PHLPP1: variants seen among roughly 807,000 people sequenced by gnomAD.
PHLPP1 encodes PH domain leucine-rich repeat-containing protein phosphatase 1.
PHLPP1 carries 42 observed loss-of-function variants against 117.2 expected under a neutral mutation model. The ratio of observed to expected loss-of-function variants is 0.36; its 90% confidence interval spans 0.28 to 0.46. PHLPP1 has a LOEUF of 0.46. Ranked by LOEUF, PHLPP1 falls within the 20% of genes least tolerant of loss-of-function variation. The pLI, the probability that PHLPP1 is intolerant of heterozygous loss-of-function variation, is 1.00. For missense variants in PHLPP1, 2,084 were observed against 2,241.9 expected (o/e 0.93, Z 1.42); for synonymous variants, 1,042 against 970.7 (o/e 1.07, Z -1.37).
intron 1 of PHLPP1, among the ~76,000 whole-genome samples, chr18:62,798,832 A>G (rs958460364): frequency 6.6e-6 from 1 of 152,178 alleles, no homozygotes; most frequent in Non-Finnish European, 1.5e-5. Context: ...ATCCAGTGGT[A>G]ATAAAACAGA....
At chr18:62,878,350 A>G (rs1352675243) in intron 4 of PHLPP1, among the ~76,000 whole-genome samples, 1 of 152,212 alleles carries the variant, frequency 6.6e-6, no homozygotes, top group East Asian at 1.9e-4. Flanking sequence ...GAGAATGCTG[A>G]TGGAGACCAA....
chr18:62,919,906 T>C (rs1909409709), intron 9 of PHLPP1, 53 bp from the exon 10 acceptor site: 1 of 1,315,794 alleles, frequency 7.6e-7, no homozygotes, highest in African/African-American at 1.5e-5. Context: ...GAGGTAATTT[T>C]AAGTATTCTT....
chr18:62,775,557 A>G (rs1022750986), intron 1 of PHLPP1, among the ~76,000 whole-genome samples: 1 of 152,208 alleles, frequency 6.6e-6, no homozygotes, highest in African/African-American at 2.4e-5. Context: ...CTTTCTTGGC[A>G]TTACCACAAT....
At chr18:62,735,032 A>T (rs1381319798) in intron 1 of PHLPP1, among the ~76,000 whole-genome samples, 1 of 151,488 alleles carries the variant, frequency 6.6e-6, no homozygotes, top group Admixed American at 6.6e-5. Flanking sequence ...GCTTAAGAGG[A>T]TGTCATTCTT....
intron 1 of PHLPP1, among the ~76,000 whole-genome samples, chr18:62,766,076 A>AAAAAAAAAAAATATATAT: frequency 1.4e-4 from 3 of 21,660 alleles, no homozygotes; most frequent in African/African-American, 4.5e-4. Flanking sequence ...AAAAAAAAAA[A>AAAAAAAAAAAATATATAT]ATATATATAT....
At chr18:62,820,979 G>A (rs541869427) in intron 1 of PHLPP1, among the ~76,000 whole-genome samples, 23 of 152,284 alleles carry the variant, frequency 1.5e-4, no homozygotes, top group African/African-American at 4.6e-4. Flanking sequence ...CTTCAAATAC[G>A]TGTCAATTAA....
At chr18:62,804,116 T>C (rs1913866858) in intron 1 of PHLPP1, among the ~76,000 whole-genome samples, 2 of 152,082 alleles carry the variant, frequency 1.3e-5, no homozygotes, top group South Asian at 4.2e-4. Context: ...ATGGCGGAAG[T>C]TGAAGGAGAG....
At chr18:62,799,934 G>A (rs1042909932) in intron 1 of PHLPP1, among the ~76,000 whole-genome samples, 1 of 152,184 alleles carries the variant, frequency 6.6e-6, no homozygotes, top group African/African-American at 2.4e-5. Flanking sequence ...TGTGGACAGG[G>A]TATTGGGGAA....
chr18:62,967,019 G>C (rs1053139975), intron 14 of PHLPP1, among the ~76,000 whole-genome samples: 1 of 152,170 alleles, frequency 6.6e-6, no homozygotes, highest in African/African-American at 2.4e-5. Flanking sequence ...TAATGCGTTT[G>C]AGATTCATTT....
intron 6 of PHLPP1, 70 bp from the exon 7 acceptor site, chr18:62,902,894 C>T (rs1916757898): frequency 1.1e-6 from 1 of 904,130 alleles, no homozygotes; most frequent in Non-Finnish European, 1.8e-6. Context: ...CGCTATTTCT[C>T]ATATTAGGGT....
At chr18:62,740,826 G>T (rs973666455) in intron 1 of PHLPP1, among the ~76,000 whole-genome samples, 2 of 152,072 alleles carry the variant, frequency 1.3e-5, no homozygotes, top group African/African-American at 4.8e-5. Flanking sequence ...ACAAAAACTA[G>T]CCAGGCGTGG....
chr18:62,773,348 T>C (rs371245116), intron 1 of PHLPP1, among the ~76,000 whole-genome samples: 1 of 152,328 alleles, frequency 6.6e-6, no homozygotes, highest in Non-Finnish European at 1.5e-5. Flanking sequence ...CTTCAAAACC[T>C]GTAATGTTGT....
At chr18:62,967,679 G>A (rs1910941990) in intron 14 of PHLPP1, among the ~76,000 whole-genome samples, 1 of 151,306 alleles carries the variant, frequency 6.6e-6, no homozygotes, top group East Asian at 1.9e-4. Context: ...TTTTGTCATA[G>A]ACTTTTTCTG....
At position 62,716,756 on chromosome 18, in the gene PHLPP1, G is replaced by C; in HGVS notation, c.1073G>C (p.Ser358Thr). The C allele has an allele frequency of 6.6e-7, 1 of 1,520,340 alleles. No individual in the cohort carries two copies. Among genetic ancestry groups the C allele is most frequent in the Non-Finnish European group, 8.8e-7 (1 of 1,139,484 alleles). 94.2% of individuals were successfully genotyped at this position (1,520,340 alleles called of 1,614,324 possible). Residue 358 changes from serine to threonine, a missense_variant, in exon 1 of 17, where the codon AGC becomes ACC. This residue lies in a region of PHLPP1 where 719 missense variants were observed against 636.0 expected (regional missense o/e 1.13). Transcript: ENST00000262719. The surrounding 1 kb of genome is among the most constrained non-coding windows in gnomAD (Gnocchi z 5.7). ...ESFSLSPSAE[S>T]VSDRLDPYSS... The stretch of plus-strand genomic sequence containing the variant: ...TTCAGTCTGAGTCCCAGCGCCGAGA[G>C]CGTGTCTGACCGGTTGGACCCCTAC...
chr18:62,899,267 T>C (rs1916654531), intron 6 of PHLPP1, among the ~76,000 whole-genome samples: 1 of 152,214 alleles, frequency 6.6e-6, no homozygotes, highest in African/African-American at 2.4e-5. Context: ...TCAACCCCAG[T>C]GTGAGTCCTT....
Position 62,940,450 on chromosome 18 carries a change from T to C in PHLPP1, c.2961-1268T>C, listed in dbSNP as rs1599132594. On this transcript the variant is annotated intron_variant, in intron 10 of 16. Coordinates refer to ENST00000262719, the MANE Select transcript of PHLPP1 (RefSeq NM_194449.4). ...TGCGATCTCCGCTCACTGCAAGCTC[T>C]GCCTCCTGGGTTCACGCCATTCTCC... is the stretch of plus-strand genomic sequence containing the variant. Among the ~76,000 whole-genome samples, 4 of 139,086 alleles carry C rather than the reference T, an allele frequency of 2.9e-5. 1 individual carries two copies. The South Asian group carries it at 1.0e-3, about 36-fold the overall frequency. 91.2% of individuals were successfully genotyped at this position (139,086 alleles called of 152,430 possible). A position where few individuals can be genotyped will look rare whatever the true frequency, so the allele number is the denominator to read the frequency against.
intron 3 of PHLPP1, among the ~76,000 whole-genome samples, chr18:62,856,120 T>C (rs892540266): frequency 6.6e-6 from 1 of 152,204 alleles, no homozygotes; most frequent in African/African-American, 2.4e-5. Flanking sequence ...CACGGAGGGC[T>C]GAGTGTACTA....
chr18:62,941,685 T>C, intron 10 of PHLPP1, 33 bp from the exon 11 acceptor site: 2 of 1,559,294 alleles, frequency 1.3e-6, no homozygotes, highest in South Asian at 2.3e-5. Context: ...TTGTGACTTT[T>C]CAATGGCATT....
chr18:62,754,683 G>A (rs1243553472), intron 1 of PHLPP1, among the ~76,000 whole-genome samples: 6 of 152,184 alleles, frequency 3.9e-5, no homozygotes, highest in Non-Finnish European at 7.3e-5. Context: ...GTATCAAAAC[G>A]TAATGGAAGT....
Sources: gnomAD v4.1 joint callset for allele counts (sites outside exome capture counted in the v4.1 genomes callset) on GRCh38, gnomAD v4.1.1 for gene constraint, gnomAD v4.1.1 regional missense constraint, Gnocchi (gnomAD v3.1) non-coding constraint, MANE v1.5 for transcripts, NCBI Gene and HGNC (gene_info 2026-07-23, HGNC 2026-07-21) for gene names.